Variants in FAT3 observed in about 807,000 individuals in gnomAD.
FAT3 encodes FAT atypical cadherin 3.
In FAT3, 95 loss-of-function variants were observed where a neutral mutation model predicts 310.2. The ratio of observed to expected loss-of-function variants is 0.31; its 90% CI spans 0.26 to 0.36. The LOEUF (loss-of-function observed/expected upper bound fraction) is 0.36. Ranked by LOEUF, FAT3 falls within the 10% of genes least tolerant of loss-of-function variation. FAT3 has a pLI of 1.00. For synonymous variants in FAT3, 2,314 were observed against 2,192.9 expected, an observed-to-expected ratio of 1.06 and a Z score of -1.54; for missense variants, 5,408 against 5,715.6, an observed-to-expected ratio of 0.95 and a Z score of 1.74.
chr11:92,294,793 A>C (rs1218322047), intron 1 of FAT3, among the ~76,000 whole-genome samples: 1 of 152,116 alleles, frequency 6.6e-6, no homozygotes, highest in Non-Finnish European at 1.5e-5. Flanking sequence ...ATGAATAAAT[A>C]AAATGAAATG....
intron 2 of FAT3, among the ~76,000 whole-genome samples, chr11:92,398,619 C>T (rs1356529811): frequency 6.6e-6 from 1 of 151,818 alleles, no homozygotes; most frequent in Admixed American, 6.6e-5. Flanking sequence ...ACCTTATTTC[C>T]ACATAAGGTC....
intron 1 of FAT3, among the ~76,000 whole-genome samples, chr11:92,233,291 G>A (rs189735227): frequency 3.9e-4 from 59 of 152,262 alleles, no homozygotes; most frequent in African/African-American, 1.3e-3. Flanking sequence ...TCATAGGTAT[G>A]TTCTCTAAGT....
At chr11:92,721,161 A>G (rs1565539825) in intron 4 of FAT3, among the ~76,000 whole-genome samples, 2 of 152,224 alleles carry the variant, frequency 1.3e-5, no homozygotes, top group Non-Finnish European at 2.9e-5. Context: ...ATGTTTGTTT[A>G]GCAACAATGT....
intron 3 of FAT3, among the ~76,000 whole-genome samples, chr11:92,561,581 C>T (rs894987556): frequency 7.9e-5 from 12 of 151,912 alleles, no homozygotes; most frequent in Non-Finnish European, 1.6e-4. Flanking sequence ...CTGGCATCAA[C>T]ATTTTGATTC....
chr11:92,676,002 G>C (rs1943277885), intron 3 of FAT3, among the ~76,000 whole-genome samples: 1 of 152,108 alleles, frequency 6.6e-6, no homozygotes, highest in African/African-American at 2.4e-5. Flanking sequence ...GCAACCTTCT[G>C]TGAGATCCCT....
Position 92,805,296 on chromosome 11 carries a change from A to G in FAT3, c.9040A>G (p.Met3014Val). 6.2e-7 allele frequency: 1 copy of G among 1,613,856 alleles called. No homozygotes were observed. The highest frequency in any genetic ancestry group is 8.5e-7 in the Non-Finnish European group (1 of 1,179,824). Residue 3014 changes from methionine to valine, a missense_variant, in exon 11 of 28, where the codon ATG (methionine) becomes GTG (valine). Transcript: ENST00000525166. Reference protein sequence around the residue: ...ATDGLFVTQAMVEVSVSDVND... With the variant: ...ATDGLFVTQAVVEVSVSDVND... ...TGATGGGCTTTTTGTCACACAGGCC[A>G]TGGTGGAAGTGAGCGTCAGTGATGT...
At chr11:92,422,694 A>G (rs543613587) in intron 2 of FAT3, among the ~76,000 whole-genome samples, 7 of 152,248 alleles carry the variant, frequency 4.6e-5, no homozygotes, top group African/African-American at 1.7e-4. Flanking sequence ...AAGAGGAACA[A>G]AAGGCTGAAA....
chr11:92,308,838 T>C (rs369163893), intron 1 of FAT3, among the ~76,000 whole-genome samples: 2 of 152,090 alleles, frequency 1.3e-5, no homozygotes, highest in East Asian at 3.9e-4. Context: ...AATTTGGCTG[T>C]CAGTCTACAA....
intron 3 of FAT3, among the ~76,000 whole-genome samples, chr11:92,605,378 A>T (rs1940223972): frequency 6.6e-6 from 1 of 152,212 alleles, no homozygotes; most frequent in African/African-American, 2.4e-5. Flanking sequence ...TGATGGGGCC[A>T]ATGGGCATTT....
At chr11:92,668,563 C>A (rs1197655814) in intron 3 of FAT3, among the ~76,000 whole-genome samples, 2 of 152,170 alleles carry the variant, frequency 1.3e-5, no homozygotes, top group East Asian at 3.9e-4. Flanking sequence ...GACTCCATCA[C>A]CTGCAAGCTG....
At chr11:92,227,927 T>A (rs569574693) in intron 1 of FAT3, among the ~76,000 whole-genome samples, 15 of 151,900 alleles carry the variant, frequency 9.9e-5, no homozygotes, top group African/African-American at 3.6e-4. Context: ...TTTTTTATTT[T>A]TTTTTTAACA....
chr11:92,773,899 C>A, intron 6 of FAT3, 142 bp from the exon 7 acceptor site: 1 of 693,356 alleles, frequency 1.4e-6, no homozygotes, highest in East Asian at 2.7e-5. Context: ...TAAAGAGGTC[C>A]CATTTAAGAT....
intron 3 of FAT3, among the ~76,000 whole-genome samples, chr11:92,637,294 C>A (rs1017697681): frequency 1.3e-5 from 2 of 152,076 alleles, no homozygotes; most frequent in Non-Finnish European, 2.9e-5. Context: ...CTTCTCAGAG[C>A]CCCAGATGTG....
chr11:92,581,193 G>A (rs1938778539), intron 3 of FAT3, among the ~76,000 whole-genome samples: 1 of 152,010 alleles, frequency 6.6e-6, no homozygotes, highest in Admixed American at 6.6e-5. Flanking sequence ...ACAGAGCTTT[G>A]CTGTCCTCCT....
chr11:92,744,289 G>A (rs1455854719), intron 4 of FAT3, among the ~76,000 whole-genome samples: 1 of 152,196 alleles, frequency 6.6e-6, no homozygotes, highest in Non-Finnish European at 1.5e-5. Context: ...CACCTCTGCT[G>A]CTCTGAATGT....
intron 3 of FAT3, among the ~76,000 whole-genome samples, chr11:92,533,168 A>T (rs1423113564): frequency 6.6e-6 from 1 of 152,064 alleles, no homozygotes; most frequent in Non-Finnish European, 1.5e-5. Flanking sequence ...AGCTGGGACT[A>T]CAGGTATGTA....
chr11:92,442,111 A>ATATATATATATTTTTTTT (rs1453396603), intron 2 of FAT3, among the ~76,000 whole-genome samples: 3 of 45,218 alleles, frequency 6.6e-5, no homozygotes, highest in African/African-American at 5.5e-4. Flanking sequence ...ATATATATAT[A>ATATATATATATTTTTTTT]TTTTTTTTTT....
At chr11:92,529,236 A>G (rs1953984176) in intron 3 of FAT3, among the ~76,000 whole-genome samples, 1 of 152,254 alleles carries the variant, frequency 6.6e-6, no homozygotes, top group South Asian at 2.1e-4. Flanking sequence ...TTTGTGGATT[A>G]TAAGCTATGA....
intron 2 of FAT3, among the ~76,000 whole-genome samples, chr11:92,443,781 A>G (rs1332196979): frequency 6.6e-6 from 1 of 152,038 alleles, no homozygotes. Flanking sequence ...GCATGAGGAG[A>G]TGGTTACGAA....
Sources: allele counts gnomAD v4.1 joint callset (sites outside exome capture counted in the v4.1 genomes callset), GRCh38; gene constraint gnomAD v4.1.1; transcripts MANE v1.5; gene names NCBI Gene and HGNC (gene_info 2026-07-23, HGNC 2026-07-21).